The following SNX29 variants were observed in gnomAD, a reference collection of about 807,000 sequenced individuals.
SNX29 encodes the protein sorting nexin-29.
In SNX29, 78 loss-of-function variants were observed where a neutral mutation model predicts 102.1. The ratio of observed to expected loss-of-function variants is 0.76; its 90% CI spans 0.64 to 0.92. The LOEUF is 0.92. SNX29 is among the 40% of genes least tolerant of loss of function. SNX29 has a pLI of 0.00. For synonymous variants in SNX29, 580 were observed against 414.5 expected (o/e 1.40, Z -4.85); for missense variants, 1,280 against 1,061.7 (o/e 1.21, Z -2.86).
At chr16:12,178,318 G>T (rs1459779202) in intron 13 of SNX29, among the ~76,000 whole-genome samples, 2 of 152,118 alleles carry the variant, frequency 1.3e-5, no homozygotes, top group African/African-American at 4.8e-5. Flanking sequence ...AAGGGCGCCG[G>T]TGCTGGGAGA....
intron 20 of SNX29, among the ~76,000 whole-genome samples, chr16:12,532,810 A>G (rs1290731490): frequency 6.6e-6 from 1 of 152,194 alleles, no homozygotes; most frequent in Non-Finnish European, 1.5e-5. Context: ...CGAAAGCTGA[A>G]GACAGCCTGG....
At chr16:12,034,751 T>C (rs2057428591) in intron 4 of SNX29, among the ~76,000 whole-genome samples, 2 of 152,146 alleles carry the variant, frequency 1.3e-5, no homozygotes, top group Admixed American at 6.6e-5. Context: ...AGACTCAGGC[T>C]TGTAATCCCA....
At chr16:12,226,731 A>G (rs2077622221) in intron 14 of SNX29, among the ~76,000 whole-genome samples, 1 of 151,888 alleles carries the variant, frequency 6.6e-6, no homozygotes, top group Admixed American at 6.6e-5. Context: ...GTGTCATCAT[A>G]CCCAGCTAAT....
rs201338197 is a variant in SNX29, at chr16:12,527,266, G to A, written c.2318+2425G>A. The A allele has an allele frequency of 5.2e-4, 279 of 532,742 alleles. 1 individual carries two copies. The highest frequency in any genetic ancestry group is 4.3e-4 in the South Asian group (28 of 65,232). 33.0% of individuals were successfully genotyped at this position (532,742 alleles called of 1,614,324 possible). A position where few individuals can be genotyped will look rare whatever the true frequency, so the allele number is the denominator to read the frequency against. On this transcript the variant is annotated intron_variant, in intron 20 of 20. Coordinates refer to ENST00000566228, the MANE Select transcript of SNX29 (RefSeq NM_032167.5). The stretch of plus-strand genomic sequence containing the variant: ...CTTACCCGTGCTGACGAATCTCCAT[G>A]TGATCGTGTCCTTTCTCCATGTGCT...
intron 13 of SNX29, among the ~76,000 whole-genome samples, chr16:12,143,424 C>A (rs967803552): frequency 2.7e-4 from 41 of 152,200 alleles, no homozygotes; most frequent in African/African-American, 9.9e-4. Flanking sequence ...AGGGTTAGGG[C>A]AAGGGTGAGA....
At position 12,573,763 on chromosome 16, in the gene SNX29, A is replaced by C. The variant is rs941110622; in HGVS notation, c.*5134A>C. The stretch of plus-strand genomic sequence containing the variant: ...TTGCACCCAGAGCTACTAAACGCTC[A>C]GTGACCCCAGAGACCATTAATTTCC... On this transcript the variant is annotated 3_prime_UTR_variant, in exon 21 of 21. Coordinates refer to ENST00000566228, the MANE Select transcript of SNX29 (RefSeq NM_032167.5). The C allele has an allele frequency of 3.1e-5, 7 of 222,620 alleles. No homozygotes were observed. Among genetic ancestry groups the C allele is most frequent in the Non-Finnish European group, 5.4e-5 (6 of 111,418 alleles). 13.8% of individuals were successfully genotyped at this position (222,620 alleles called of 1,614,324 possible).
intron 14 of SNX29, among the ~76,000 whole-genome samples, chr16:12,257,690 ATTT>A (rs33963423): frequency 1.7e-3 from 244 of 140,974 alleles, no homozygotes; most frequent in Middle Eastern, 3.6e-3. Context: ...CTTATTTAAA[ATTT>A]TTTTTTTTTT....
intron 13 of SNX29, among the ~76,000 whole-genome samples, chr16:12,187,496 C>T (rs1567291583): frequency 1.3e-5 from 2 of 151,314 alleles, no homozygotes; most frequent in South Asian, 4.2e-4. Flanking sequence ...TGCTGTGAGC[C>T]GAGATCATGC....
chr16:12,094,063 T>C (rs1042413567), intron 11 of SNX29, among the ~76,000 whole-genome samples: 32 of 152,140 alleles, frequency 2.1e-4, no homozygotes, highest in African/African-American at 6.3e-4. Context: ...CATCCCTACA[T>C]GTATTAGCAG....
intron 17 of SNX29, among the ~76,000 whole-genome samples, chr16:12,401,240 C>T (rs1440099891): frequency 1.3e-5 from 2 of 152,068 alleles, no homozygotes; most frequent in Admixed American, 1.3e-4. Flanking sequence ...AATGCACATT[C>T]TTCTCAAGTG....
At chr16:12,264,761 C>G (rs1377709510) in intron 14 of SNX29, among the ~76,000 whole-genome samples, 1 of 149,806 alleles carries the variant, frequency 6.7e-6, no homozygotes, top group East Asian at 2.0e-4. Flanking sequence ...CAACGAGACT[C>G]TGTTTCAAAA....
intron 11 of SNX29, among the ~76,000 whole-genome samples, chr16:12,099,271 T>C (rs900268630): frequency 2.6e-5 from 4 of 152,224 alleles, no homozygotes; most frequent in Non-Finnish European, 1.5e-5. Context: ...AGCTCAGCAC[T>C]AAACCCAGGG....
intron 18 of SNX29, among the ~76,000 whole-genome samples, chr16:12,454,549 G>A (rs2086451237): frequency 6.6e-6 from 1 of 152,128 alleles, no homozygotes; most frequent in South Asian, 2.1e-4. Context: ...GGTGCTGCTG[G>A]CGAATGTGGC....
At chr16:12,303,334 C>A (rs1416372101) in intron 15 of SNX29, among the ~76,000 whole-genome samples, 3 of 152,198 alleles carry the variant, frequency 2.0e-5, no homozygotes, top group Non-Finnish European at 4.4e-5. Context: ...ACATTCCACA[C>A]AACTTAGATA....
At chr16:12,224,472 C>T (rs1032282594) in intron 14 of SNX29, among the ~76,000 whole-genome samples, 9 of 152,152 alleles carry the variant, frequency 5.9e-5, no homozygotes, top group Non-Finnish European at 1.3e-4. Context: ...TTTCTTAACA[C>T]GGTGCTGAGG....
intron 20 of SNX29, among the ~76,000 whole-genome samples, chr16:12,550,662 C>T (rs888044704): frequency 6.6e-6 from 1 of 152,030 alleles, no homozygotes; most frequent in Admixed American, 6.5e-5. Flanking sequence ...TAGTGGAGGA[C>T]CAAGGTGGGA....
chr16:12,366,040 CTCAAAAAA>C (rs2082465518), intron 16 of SNX29, among the ~76,000 whole-genome samples: 1 of 24,210 alleles, frequency 4.1e-5, no homozygotes, highest in African/African-American at 9.3e-5. Flanking sequence ...AGACTCTTGT[CTCAAAAAA>C]AAAAAAAAAA....
chr16:12,377,214 A>T (rs1208147277), intron 16 of SNX29, among the ~76,000 whole-genome samples: 1 of 152,200 alleles, frequency 6.6e-6, no homozygotes, highest in Admixed American at 6.5e-5. Context: ...GGTGTAGTAT[A>T]TTAGTCAACG....
intron 13 of SNX29, among the ~76,000 whole-genome samples, chr16:12,151,821 T>C (rs1597053040): frequency 6.6e-6 from 1 of 152,180 alleles, no homozygotes; most frequent in African/African-American, 2.4e-5. Context: ...CTGCAACCTC[T>C]GCCTCCCGGG....
Sources: allele counts gnomAD v4.1 joint callset (sites outside exome capture counted in the v4.1 genomes callset), GRCh38; gene constraint gnomAD v4.1.1; transcripts MANE v1.5; gene names NCBI Gene and HGNC (gene_info 2026-07-23, HGNC 2026-07-21).